TEX9: variants seen among roughly 807,000 people sequenced by gnomAD.
TEX9 encodes the protein testis expressed 9.
Under a neutral mutation model 59.6 loss-of-function variants are expected in TEX9, and 74 were observed. The observed-to-expected ratio is 1.24, with a 90% CI of 1.03 to 1.51. TEX9 has a LOEUF of 1.51. Among genes scored for constraint, TEX9 ranks in the 40% most tolerant of loss-of-function variants. The pLI is 0.00. For synonymous variants in TEX9, 186 were observed against 152.2 expected, an observed-to-expected ratio of 1.22 and a Z score of -1.64; for missense variants, 522 against 447.8, an observed-to-expected ratio of 1.17 and a Z score of -1.49.
In TEX9 at chr15:56,352,284, G is replaced by A. The variant is rs1480933362; in HGVS notation, c.-106-21157G>A. Among the ~76,000 whole-genome samples, 4 of 152,070 alleles carry A rather than the reference G, an allele frequency of 2.6e-5. 1 individual carries two copies. The highest frequency in any genetic ancestry group is 4.2e-4 in the South Asian group (2 of 4,814). ...TTTTGAGACAGAGTCTCGCCCTGTC[G>A]TCTGGGCTGGAGTGCAATGGCGCGA... On this transcript the variant is annotated intron_variant, in intron 1 of 5. Transcript: ENST00000560827.
intron 1 of TEX9, among the ~76,000 whole-genome samples, chr15:56,311,749 C>T (rs2141629574): frequency 7.0e-6 from 1 of 143,158 alleles, no homozygotes; most frequent in Middle Eastern, 3.6e-3. Flanking sequence ...AACTAGTTTA[C>T]AGTCCCACCA....
intron 1 of TEX9, among the ~76,000 whole-genome samples, chr15:56,295,347 A>G (rs2045192891): frequency 6.6e-6 from 1 of 152,230 alleles, no homozygotes; most frequent in African/African-American, 2.4e-5. Flanking sequence ...CTATTATAAC[A>G]TTCTGGGTTT....
intron 10 of TEX9, among the ~76,000 whole-genome samples, chr15:56,426,549 C>T (rs1262459813): frequency 2.0e-5 from 2 of 100,014 alleles, no homozygotes; most frequent in African/African-American, 6.8e-5. Context: ...ACACTCTTAT[C>T]TTTTAAAGAG....
rs377064608 is a variant in TEX9 at position 56,329,483 on chromosome 15, C to T, written c.-106-43958C>T. On this transcript the variant is annotated intron_variant, in intron 1 of 5. Transcript: ENST00000560827. ...GATAAATCGTGTGGAAACAGAGATA[C>T]GTGACCTTTCAGACAGATAAATCAA... Among the ~76,000 whole-genome samples, 32 of 152,126 alleles carry T rather than the reference C, an allele frequency of 2.1e-4. No homozygotes were observed. In the East Asian group the frequency reaches 2.3e-3, roughly 11 times the overall value.
At chr15:56,433,280 G>A (rs2050648990) in intron 12 of TEX9, among the ~76,000 whole-genome samples, 1 of 151,936 alleles carries the variant, frequency 6.6e-6, no homozygotes, top group African/African-American at 2.4e-5. Context: ...ACAAGGGGAA[G>A]GGAGAGCATT....
At chr15:56,434,719 A>G (rs1166318483) in intron 12 of TEX9, among the ~76,000 whole-genome samples, 1 of 152,134 alleles carries the variant, frequency 6.6e-6, no homozygotes, top group Admixed American at 6.6e-5. Flanking sequence ...TTATTCATCT[A>G]AAGTCTATGG....
At chr15:56,408,624 C>T (rs1016847828) in intron 9 of TEX9, 1 of 80,890 alleles carries the variant, frequency 1.2e-5, no homozygotes. Context: ...TCTTGCTTCC[C>T]TGCCCTCAGC....
At chr15:56,286,346 T>C (rs1305355016) in intron 1 of TEX9, among the ~76,000 whole-genome samples, 1 of 152,078 alleles carries the variant, frequency 6.6e-6, no homozygotes, top group Non-Finnish European at 1.5e-5. Flanking sequence ...AACAGCTTCT[T>C]AGACTGAGGA....
In TEX9 at chr15:56,288,383, C is replaced by G. The variant is rs530365699; in HGVS notation, c.-107+44105C>G. 4.6e-5 allele frequency among the ~76,000 whole-genome samples: 7 copies of G among 151,634 alleles called. No individual in the cohort carries two copies. The South Asian group carries it at 1.5e-3, about 32-fold the overall frequency. ...GTTACTAATAAGCATCTTTTTCTTT[C>G]AGCTTGAAGGACTCTCTTTAGCATT... On this transcript the variant is annotated intron_variant, in intron 1 of 5. Coordinates refer to the TEX9 transcript ENST00000560827.
chr15:56,321,742 G>A (rs535471702), intron 1 of TEX9, among the ~76,000 whole-genome samples: 4 of 152,214 alleles, frequency 2.6e-5, no homozygotes, highest in African/African-American at 9.6e-5. Context: ...CTATGCTTAA[G>A]TTAATACTCT....
chr15:56,280,738 A>G (rs1263792247), intron 1 of TEX9, among the ~76,000 whole-genome samples: 4 of 152,226 alleles, frequency 2.6e-5, no homozygotes, highest in Non-Finnish European at 5.9e-5. Context: ...TGAAGCTGGG[A>G]ATGATTCCCA....
In TEX9 at chr15:56,351,511, G is replaced by C. The variant is rs192154079; in HGVS notation, c.-106-21930G>C. On this transcript the variant is annotated intron_variant, in intron 1 of 5. Transcript: ENST00000560827. The stretch of plus-strand genomic sequence containing the variant: ...CATGCAGAGGACTGAAACCACCCAA[G>C]AGCTCGAGTGCAGCCAGTGTGGCAG... 2.0e-3 allele frequency among the ~76,000 whole-genome samples: 310 copies of C among 152,242 alleles called. 5 individuals carry two copies. Among genetic ancestry groups the C allele is most frequent in the African/African-American group, 7.1e-3 (296 of 41,552 alleles).
Position 56,307,457 on chromosome 15 carries a change from G to A in TEX9, c.-107+63179G>A, listed in dbSNP as rs1333400500. On this transcript the variant is annotated intron_variant, in intron 1 of 5. Transcript: ENST00000560827. ...CCAGGACTGACGAGATAAAAGGTTT[G>A]TAAAACTCTGGGCAGGAAATAGCCT... 3.3e-5 allele frequency among the ~76,000 whole-genome samples: 5 copies of A among 152,178 alleles called. No homozygotes were observed. In the East Asian group the frequency reaches 9.6e-4, roughly 29 times the overall value.
chr15:56,365,605 C>A (rs760589087), exon 2 of TEX9: 1 of 1,614,196 alleles, frequency 6.2e-7, no homozygotes, highest in Non-Finnish European at 8.5e-7. Flanking sequence ...GGACTCCGTT[C>A]CCGCCACCCG....
chr15:56,320,615 T>C (rs1348841724), intron 1 of TEX9, among the ~76,000 whole-genome samples: 1 of 152,202 alleles, frequency 6.6e-6, no homozygotes, highest in Non-Finnish European at 1.5e-5. Flanking sequence ...CCAATCCCTG[T>C]GACCTCATTT....
At chr15:56,407,956 C>G (rs1567130237) in intron 9 of TEX9, among the ~76,000 whole-genome samples, 1 of 152,202 alleles carries the variant, frequency 6.6e-6, no homozygotes, top group African/African-American at 2.4e-5. Flanking sequence ...CTCTCTTCTA[C>G]TCAAGGTCTC....
intron 10 of TEX9, among the ~76,000 whole-genome samples, chr15:56,412,708 T>C (rs1224465547): frequency 1.3e-5 from 2 of 152,184 alleles, no homozygotes; most frequent in African/African-American, 4.8e-5. Context: ...GTCAGACACT[T>C]TTCTAAGCTC....
intron 1 of TEX9, among the ~76,000 whole-genome samples, chr15:56,271,936 C>G (rs2713930): frequency 6.6e-6 from 1 of 151,834 alleles, no homozygotes; most frequent in Non-Finnish European, 1.5e-5. Context: ...GTCAGGAGAT[C>G]GAGACCATCC....
At position 56,310,985 on chromosome 15, in the gene TEX9, C is replaced by A. The variant is rs1179946374; in HGVS notation, c.-106-62456C>A. Among the ~76,000 whole-genome samples, 4 of 152,118 alleles carry A rather than the reference C, an allele frequency of 2.6e-5. No homozygotes were observed. In the South Asian group the frequency reaches 8.3e-4, roughly 32 times the overall value. On this transcript the variant is annotated intron_variant, in intron 1 of 5. Coordinates refer to the TEX9 transcript ENST00000560827. ...GAAGGGCCCTACAGATGACCTCAGACGAACACCCTCTCAACACCCAAGTCT... is the reference window on the plus strand; with the variant it reads ...GAAGGGCCCTACAGATGACCTCAGAAGAACACCCTCTCAACACCCAAGTCT...
Sources: allele counts gnomAD v4.1 joint callset (sites outside exome capture counted in the v4.1 genomes callset), GRCh38; gene constraint gnomAD v4.1.1; transcripts MANE v1.5; gene names NCBI Gene and HGNC (gene_info 2026-07-23, HGNC 2026-07-21).